CLSTN2: variants seen among roughly 807,000 people sequenced by gnomAD.
The protein encoded by CLSTN2 is calsyntenin 2.
In CLSTN2, 48 loss-of-function variants were observed where a neutral mutation model predicts 101.2. The observed-to-expected ratio is 0.47, with a 90% confidence interval of 0.38 to 0.60. The LOEUF is 0.60. Ranked by LOEUF, CLSTN2 falls within the 20% of genes least tolerant of loss-of-function variation. CLSTN2 has a pLI of 0.00. For synonymous variants in CLSTN2, 481 were observed against 463.6 expected (o/e 1.04, Z -0.48); for missense variants, 1,160 against 1,238.2 (o/e 0.94, Z 0.95).
intron 1 of CLSTN2, among the ~76,000 whole-genome samples, chr3:140,028,377 G>A (rs144760868): frequency 8.8e-4 from 134 of 152,248 alleles, no homozygotes; most frequent in Admixed American, 1.0e-3. Context: ...GAAGTTGCCT[G>A]TCCCTTCACA....
intron 2 of CLSTN2, among the ~76,000 whole-genome samples, chr3:140,302,477 C>T (rs1156240236): frequency 2.6e-5 from 4 of 152,150 alleles, no homozygotes; most frequent in Admixed American, 2.6e-4. Context: ...CCAATTTGTT[C>T]TACATGGTGA....
intron 5 of CLSTN2, among the ~76,000 whole-genome samples, chr3:140,433,343 G>A (rs2088654694): frequency 6.6e-6 from 1 of 152,168 alleles, no homozygotes; most frequent in African/African-American, 2.4e-5. Flanking sequence ...GACCTCTCAG[G>A]CACCATAAGG....
At chr3:140,228,655 A>G (rs577750486) in intron 2 of CLSTN2, among the ~76,000 whole-genome samples, 1 of 152,352 alleles carries the variant, frequency 6.6e-6, no homozygotes, top group East Asian at 1.9e-4. Flanking sequence ...AATTTACAAA[A>G]GAAAGAGGTT....
intron 1 of CLSTN2, among the ~76,000 whole-genome samples, chr3:140,039,242 A>G (rs930918908): frequency 6.6e-6 from 1 of 152,206 alleles, no homozygotes; most frequent in African/African-American, 2.4e-5. Context: ...AAATCTGATT[A>G]TTACTTTAAA....
chr3:140,045,692 T>G (rs1317037646), intron 1 of CLSTN2, among the ~76,000 whole-genome samples: 2 of 152,228 alleles, frequency 1.3e-5, no homozygotes, highest in East Asian at 1.9e-4. Flanking sequence ...GCTTTAAATG[T>G]GTCCCAGAGA....
At chr3:140,196,658 G>A (rs913324906) in intron 2 of CLSTN2, among the ~76,000 whole-genome samples, 11 of 152,138 alleles carry the variant, frequency 7.2e-5, no homozygotes, top group African/African-American at 2.4e-4. Context: ...CATCCACAGT[G>A]GGGGTAGAAA....
rs769789173 is a variant in CLSTN2 at position 140,556,562 on chromosome 3, T to C, written c.1724T>C (p.Ile575Thr). 3.1e-6 allele frequency: 5 copies of C among 1,614,070 alleles called. No individual in the cohort carries two copies. Among genetic ancestry groups the C allele is most frequent in the South Asian group, 2.2e-5 (2 of 91,076 alleles). ...QSILVMEGDD[I>T]GNINRALQKV... ...ATCCTGGTGATGGAAGGTGACGACA[T>C]TGGGAACATTAACCGTGCTCTCCAG... Residue 575 changes from isoleucine (I) to threonine (T), a missense_variant, in exon 11 of 17, where the codon ATT (isoleucine) becomes ACT (threonine). Transcript: ENST00000458420.
intron 2 of CLSTN2, among the ~76,000 whole-genome samples, chr3:140,358,276 C>T (rs2087694744): frequency 6.6e-6 from 1 of 152,104 alleles, no homozygotes; most frequent in South Asian, 2.1e-4. Context: ...TTAAAGCTCC[C>T]AGAGGTGGCT....
chr3:139,938,658 G>A (rs1360374810), intron 1 of CLSTN2, among the ~76,000 whole-genome samples: 1 of 152,234 alleles, frequency 6.6e-6, no homozygotes, highest in Non-Finnish European at 1.5e-5. Context: ...GGCAGAGAAA[G>A]ACATGTCTTA....
At chr3:140,056,019 T>C (rs1403709029) in intron 1 of CLSTN2, among the ~76,000 whole-genome samples, 2 of 152,140 alleles carry the variant, frequency 1.3e-5, no homozygotes, top group South Asian at 4.2e-4. Context: ...CCAAGAACTT[T>C]GTGGTCGTTG....
intron 5 of CLSTN2, among the ~76,000 whole-genome samples, chr3:140,441,501 G>A (rs1184545642): frequency 6.6e-6 from 1 of 152,234 alleles, no homozygotes; most frequent in Non-Finnish European, 1.5e-5. Context: ...TAGTTATGCT[G>A]TTTTCCCACT....
chr3:140,354,748 C>T (rs1342931609), intron 2 of CLSTN2, among the ~76,000 whole-genome samples: 1 of 152,186 alleles, frequency 6.6e-6, no homozygotes, highest in Non-Finnish European at 1.5e-5. Flanking sequence ...AAAGTAACTC[C>T]TTTTAACTAC....
intron 1 of CLSTN2, among the ~76,000 whole-genome samples, chr3:139,954,647 C>T (rs1459545807): frequency 2.0e-5 from 3 of 152,070 alleles, no homozygotes; most frequent in East Asian, 1.9e-4. Context: ...CCAGATTTCT[C>T]GAGTGTCTAT....
At chr3:140,397,405 G>T (rs2088194092) in intron 2 of CLSTN2, among the ~76,000 whole-genome samples, 2 of 152,172 alleles carry the variant, frequency 1.3e-5, no homozygotes, top group African/African-American at 4.8e-5. Context: ...ATTTCTTAAA[G>T]ATTAGGTAAA....
intron 6 of CLSTN2, among the ~76,000 whole-genome samples, chr3:140,452,208 C>A (rs1426148057): frequency 1.3e-5 from 2 of 152,080 alleles, no homozygotes; most frequent in African/African-American, 2.4e-5. Context: ...ATTCTTGACC[C>A]TCCCAAAGAT....
chr3:140,022,048 A>T (rs967386253), intron 1 of CLSTN2, among the ~76,000 whole-genome samples: 2 of 152,126 alleles, frequency 1.3e-5, no homozygotes, highest in Non-Finnish European at 2.9e-5. Flanking sequence ...AAAAAATGGA[A>T]GCTTATGCTA....
intron 2 of CLSTN2, among the ~76,000 whole-genome samples, chr3:140,194,521 A>G (rs1469195260): frequency 6.6e-6 from 1 of 152,146 alleles, no homozygotes; most frequent in African/African-American, 2.4e-5. Flanking sequence ...GCATCTACTG[A>G]TTTAAAAAAA....
intron 2 of CLSTN2, among the ~76,000 whole-genome samples, chr3:140,286,058 A>G (rs1410753550): frequency 6.6e-6 from 1 of 152,134 alleles, no homozygotes; most frequent in African/African-American, 2.4e-5. Flanking sequence ...AAGATGAGCT[A>G]CTTCACTAAT....
chr3:140,452,340 C>T (rs1933272245), intron 6 of CLSTN2: 1 of 152,364 alleles, frequency 6.6e-6, no homozygotes, highest in Non-Finnish European at 1.5e-5. Context: ...AGCCTTCACT[C>T]ACATTCTCCT....
Sources: gnomAD v4.1 joint callset for allele counts (sites outside exome capture counted in the v4.1 genomes callset) on GRCh38, gnomAD v4.1.1 for gene constraint, MANE v1.5 for transcripts, NCBI Gene and HGNC (gene_info 2026-07-23, HGNC 2026-07-21) for gene names.